ERI3: variants seen among roughly 807,000 people sequenced by gnomAD.
ERI3 encodes the protein ERI1 exoribonuclease family member 3.
ERI3 carries 18 observed loss-of-function variants against 44.4 expected under a neutral mutation model. That is an observed-to-expected ratio of 0.41 (90% CI 0.28 to 0.60). The LOEUF (loss-of-function observed/expected upper bound fraction) is 0.60. ERI3 is among the 20% of genes least tolerant of loss of function. The pLI, the probability that ERI3 is intolerant of heterozygous loss-of-function variation, is 0.36. For missense variants in ERI3, 294 were observed against 435.5 expected (o/e 0.68, Z 2.89); for synonymous variants, 183 against 164.8 (o/e 1.11, Z -0.84).
intron 8 of ERI3, among the ~76,000 whole-genome samples, chr1:44,239,680 G>A (rs1032852421): frequency 2.6e-5 from 4 of 152,220 alleles, no homozygotes; most frequent in Non-Finnish European, 5.9e-5. Context: ...TGCCCCCTGT[G>A]GGCAGGAATC....
At chr1:44,282,838 C>G (rs928791755) in intron 7 of ERI3, among the ~76,000 whole-genome samples, 2 of 152,196 alleles carry the variant, frequency 1.3e-5, no homozygotes, top group African/African-American at 2.4e-5. Flanking sequence ...ACCTACTATT[C>G]CCTTCCTCTT....
intron 7 of ERI3, among the ~76,000 whole-genome samples, chr1:44,283,308 G>A (rs891018943): frequency 5.3e-5 from 8 of 152,226 alleles, no homozygotes; most frequent in Admixed American, 4.6e-4. Context: ...TGGAGACACA[G>A]AGAGGAACCA....
chr1:44,279,098 T>A (rs1645236927), intron 7 of ERI3, among the ~76,000 whole-genome samples: 1 of 152,236 alleles, frequency 6.6e-6, no homozygotes, highest in Non-Finnish European at 1.5e-5. Flanking sequence ...TGACTATTCC[T>A]TCTGTATCTC....
intron 1 of ERI3, chr1:44,353,443 T>C (rs1206551886): frequency 2.0e-6 from 2 of 985,358 alleles, no homozygotes; most frequent in Non-Finnish European, 2.4e-6. Flanking sequence ...TAGATACCTA[T>C]CATCCTTTTC....
intron 1 of ERI3, 149 bp downstream of exon 1, chr1:44,354,743 G>T: frequency 4.8e-6 from 6 of 1,238,422 alleles, no homozygotes; most frequent in Non-Finnish European, 6.1e-6. Context: ...CTCCCCCTCC[G>T]CCAGAACATT....
intron 7 of ERI3, among the ~76,000 whole-genome samples, chr1:44,281,588 GAAA>G (rs769332763): frequency 9.6e-6 from 1 of 103,844 alleles, no homozygotes; most frequent in African/African-American, 3.7e-5. Flanking sequence ...ACCCCGTCTC[GAAA>G]AAAAAAAAAA....
chr1:44,351,442 G>A (rs958558432), intron 2 of ERI3, among the ~76,000 whole-genome samples: 1 of 152,118 alleles, frequency 6.6e-6, no homozygotes, highest in African/African-American at 2.4e-5. Context: ...ATGTCCCATG[G>A]GCCAAATCTA....
chr1:44,352,457 GATAGA>G, intron 2 of ERI3, among the ~76,000 whole-genome samples: 1 of 89,238 alleles, frequency 1.1e-5, no homozygotes, highest in East Asian at 3.0e-4. Context: ...TAGATAGATA[GATAGA>G]TAAATGTTTA....
chr1:44,233,993 G>C (rs964971361), intron 8 of ERI3, among the ~76,000 whole-genome samples: 1 of 152,100 alleles, frequency 6.6e-6, no homozygotes, highest in Admixed American at 6.5e-5. Context: ...TCCACTCCTT[G>C]AAGCTCTCTT....
intron 8 of ERI3, among the ~76,000 whole-genome samples, chr1:44,232,990 A>G (rs542450210): frequency 7.9e-5 from 12 of 152,078 alleles, no homozygotes; most frequent in East Asian, 5.8e-4. Context: ...TTTCTTGCCA[A>G]TCCTCAACTC....
intron 7 of ERI3, among the ~76,000 whole-genome samples, chr1:44,259,689 GAC>G (rs58901342): frequency 2.5e-3 from 353 of 140,376 alleles, no homozygotes; most frequent in Middle Eastern, 3.6e-3. Context: ...AAAACACACA[GAC>G]ACACACACAC....
intron 7 of ERI3, among the ~76,000 whole-genome samples, chr1:44,269,155 G>A (rs1475939955): frequency 6.6e-6 from 1 of 152,098 alleles, no homozygotes. Context: ...GTTTAGATGG[G>A]AGCAAAAAGG....
chr1:44,349,354 T>C (rs1646846773), intron 2 of ERI3, among the ~76,000 whole-genome samples: 1 of 152,090 alleles, frequency 6.6e-6, no homozygotes, highest in African/African-American at 2.4e-5. Context: ...GGTTTCACCA[T>C]GTTGGCCAGG....
Position 44,336,563 on chromosome 1 carries a change from C to G in ERI3, c.489+2482G>C, listed in dbSNP as rs1420282289. ...GTCACAGCAAGAAGTTAAGATTGAT[C>G]TGACAGGATTTGCTCTTCTTCACAA... On this transcript the variant is annotated intron_variant, in intron 3 of 8. Transcript: ENST00000372257. 3.9e-5 allele frequency among the ~76,000 whole-genome samples: 6 copies of G among 152,240 alleles called. No individual in the cohort carries two copies. The South Asian group carries it at 1.0e-3, about 26-fold the overall frequency.
chr1:44,274,216 T>C (rs1267793527), intron 7 of ERI3, among the ~76,000 whole-genome samples: 2 of 152,238 alleles, frequency 1.3e-5, no homozygotes, highest in South Asian at 2.1e-4. Context: ...CCTTCATGCA[T>C]ATATTATCTG....
intron 8 of ERI3, among the ~76,000 whole-genome samples, chr1:44,242,236 C>T (rs1644454373): frequency 6.6e-6 from 1 of 152,210 alleles, no homozygotes; most frequent in South Asian, 2.1e-4. Flanking sequence ...TGGGCTGACT[C>T]CTCCCCTCCC....
chr1:44,352,615 A>G (rs1646917952), intron 2 of ERI3, among the ~76,000 whole-genome samples: 3 of 152,200 alleles, frequency 2.0e-5, no homozygotes, highest in South Asian at 2.1e-4. Flanking sequence ...AGAACTTGAC[A>G]GTCTGGATCT....
intron 8 of ERI3, among the ~76,000 whole-genome samples, chr1:44,226,776 TAAAC>T (rs748379682): frequency 1.3e-4 from 9 of 71,730 alleles, no homozygotes; most frequent in Non-Finnish European, 2.4e-4. Context: ...TCAGCATTAT[TAAAC>T]ACACACACAC....
At chr1:44,299,651 A>T (rs1447438153) in intron 6 of ERI3, among the ~76,000 whole-genome samples, 2 of 152,116 alleles carry the variant, frequency 1.3e-5, no homozygotes, top group East Asian at 3.8e-4. Flanking sequence ...TCTCTATCTG[A>T]CAGAAGTCAG....
Sources: allele counts gnomAD v4.1 joint callset (sites outside exome capture counted in the v4.1 genomes callset), GRCh38; gene constraint gnomAD v4.1.1; transcripts MANE v1.5; gene names NCBI Gene and HGNC (gene_info 2026-07-23, HGNC 2026-07-21).